BRINP1: variants seen among roughly 807,000 people sequenced by gnomAD.
The protein encoded by BRINP1 is BMP/retinoic acid inducible neural specific 1, also known as BMP/retinoic acid-inducible neural-specific protein 1.
In BRINP1, 17 loss-of-function variants were observed where a neutral mutation model predicts 72.9. That is an observed-to-expected ratio of 0.23 (90% CI 0.16 to 0.35). The LOEUF is 0.35. Ranked by LOEUF, BRINP1 falls within the 10% of genes least tolerant of loss-of-function variation. The pLI is 1.00. For missense variants in BRINP1, 850 were observed against 1,001.6 expected, an observed-to-expected ratio of 0.85 and a Z score of 2.04; for synonymous variants, 418 against 378.5, an observed-to-expected ratio of 1.10 and a Z score of -1.21.
At chr9:119,348,023 T>A (rs1831467062) in intron 1 of BRINP1, among the ~76,000 whole-genome samples, 3 of 152,206 alleles carry the variant, frequency 2.0e-5, no homozygotes, top group African/African-American at 7.2e-5. Context: ...GTGTTGTACA[T>A]TTTATGGGTT....
intron 7 of BRINP1, among the ~76,000 whole-genome samples, chr9:119,181,423 C>T (rs139784707): frequency 2.3e-4 from 35 of 152,264 alleles, no homozygotes; most frequent in Admixed American, 1.7e-3. Context: ...TTTGGCCTTG[C>T]TATTTGACCT....
chr9:119,195,136 G>C (rs1484511955), intron 7 of BRINP1, among the ~76,000 whole-genome samples: 1 of 152,054 alleles, frequency 6.6e-6, no homozygotes, highest in East Asian at 1.9e-4. Flanking sequence ...CCAATTCTGG[G>C]CCAGTTTTAT....
chr9:119,262,215 C>T (rs1473849824), intron 2 of BRINP1, among the ~76,000 whole-genome samples: 1 of 152,158 alleles, frequency 6.6e-6, no homozygotes, highest in Non-Finnish European at 1.5e-5. Context: ...AAAAATCTCT[C>T]TAGCAAGCTA....
At chr9:119,224,730 A>G in intron 5 of BRINP1, among the ~76,000 whole-genome samples, 1 of 152,070 alleles carries the variant, frequency 6.6e-6, no homozygotes, top group East Asian at 1.9e-4. Context: ...GGAAAAGAGC[A>G]AAAGCCATGC....
intron 1 of BRINP1, among the ~76,000 whole-genome samples, chr9:119,324,004 G>A (rs1831214424): frequency 1.3e-5 from 2 of 152,170 alleles, no homozygotes. Flanking sequence ...TCATCCAAAT[G>A]TCAGAGGAAA....
At chr9:119,171,503 A>G (rs1458640906) in intron 7 of BRINP1, among the ~76,000 whole-genome samples, 5 of 151,282 alleles carry the variant, frequency 3.3e-5, no homozygotes, top group Admixed American at 6.6e-5. Flanking sequence ...TGACTTACAA[A>G]GAGACTTAGA....
intron 2 of BRINP1, among the ~76,000 whole-genome samples, chr9:119,281,424 A>C (rs1025920697): frequency 4.1e-4 from 58 of 141,096 alleles, no homozygotes; most frequent in African/African-American, 1.4e-3. Flanking sequence ...GTGTATGAGA[A>C]AGAAGGGAGG....
At chr9:119,306,521 A>G (rs1246540880) in intron 2 of BRINP1, among the ~76,000 whole-genome samples, 2 of 152,198 alleles carry the variant, frequency 1.3e-5, no homozygotes, top group African/African-American at 4.8e-5. Context: ...AATATGGGCC[A>G]TCATCCCATT....
chr9:119,236,401 T>C (rs934218030), intron 5 of BRINP1, among the ~76,000 whole-genome samples: 1 of 152,100 alleles, frequency 6.6e-6, no homozygotes, highest in African/African-American at 2.4e-5. Flanking sequence ...CAAAATTAGA[T>C]AGGAAATCAA....
intron 5 of BRINP1, among the ~76,000 whole-genome samples, chr9:119,235,258 A>G (rs1830183020): frequency 6.6e-6 from 1 of 152,162 alleles, no homozygotes; most frequent in Non-Finnish European, 1.5e-5. Flanking sequence ...TCTCAAATTA[A>G]CTTTCAACTC....
At chr9:119,232,099 C>T (rs1345293100) in intron 5 of BRINP1, among the ~76,000 whole-genome samples, 2 of 152,180 alleles carry the variant, frequency 1.3e-5, no homozygotes, top group Non-Finnish European at 2.9e-5. Context: ...CCAGTCTCAT[C>T]ATAGCAATGT....
At chr9:119,241,894 G>A (rs75375944) in intron 4 of BRINP1, among the ~76,000 whole-genome samples, 153 bp downstream of exon 4, 7,630 of 152,246 alleles carry the variant, frequency 0.05, 634 homozygotes, top group African/African-American at 0.17. Flanking sequence ...TACAGGGTAT[G>A]TGACAATATC....
intron 2 of BRINP1, among the ~76,000 whole-genome samples, chr9:119,290,956 C>A (rs1305646981): frequency 2.0e-5 from 3 of 152,026 alleles, no homozygotes; most frequent in African/African-American, 7.2e-5. Context: ...AACTCCGTCT[C>A]TACCAAAAAT....
chr9:119,299,607 C>T (rs529491789), intron 2 of BRINP1, among the ~76,000 whole-genome samples: 20 of 143,006 alleles, frequency 1.4e-4, no homozygotes, highest in Non-Finnish European at 2.9e-4. Context: ...GGCGAGACTC[C>T]GTCTCAAAAA....
intron 7 of BRINP1, among the ~76,000 whole-genome samples, chr9:119,177,617 C>T (rs1213882387): frequency 2.0e-5 from 3 of 152,168 alleles, no homozygotes; most frequent in Non-Finnish European, 4.4e-5. Context: ...TTTCTCGTGT[C>T]TCATCATTGG....
chr9:119,345,505 C>T (rs1831440669), intron 1 of BRINP1, among the ~76,000 whole-genome samples: 1 of 152,170 alleles, frequency 6.6e-6, no homozygotes, highest in Non-Finnish European at 1.5e-5. Flanking sequence ...GGTGATTTCA[C>T]CTCTTTGCTA....
chr9:119,244,650 C>T (rs188157014), intron 3 of BRINP1, among the ~76,000 whole-genome samples: 13 of 152,238 alleles, frequency 8.5e-5, no homozygotes, highest in Admixed American at 2.6e-4. Flanking sequence ...GAAACAAGCC[C>T]GGTTCCCTCT....
intron 2 of BRINP1, among the ~76,000 whole-genome samples, chr9:119,299,619 A>AT (rs1830919547): frequency 6.6e-6 from 1 of 152,058 alleles, no homozygotes; most frequent in Admixed American, 6.5e-5. Context: ...TCTCAAAAAA[A>AT]AAAAAAAAAA....
chr9:119,172,159 A>T (rs1335717661), intron 7 of BRINP1, among the ~76,000 whole-genome samples: 1 of 152,012 alleles, frequency 6.6e-6, no homozygotes, highest in Non-Finnish European at 1.5e-5. Context: ...AAATAGAGAC[A>T]CAAAAAACCC....
Sources: gnomAD v4.1 joint callset for allele counts (sites outside exome capture counted in the v4.1 genomes callset) on GRCh38, gnomAD v4.1.1 for gene constraint, MANE v1.5 for transcripts, NCBI Gene and HGNC (gene_info 2026-07-23, HGNC 2026-07-21) for gene names.